The following EXOC6B variants were observed in gnomAD, a reference collection of about 807,000 sequenced individuals.
The protein encoded by EXOC6B is exocyst complex component 6B.
In EXOC6B, 54 loss-of-function variants were observed where a neutral mutation model predicts 113.5. That is an observed-to-expected ratio of 0.48 (90% CI 0.38 to 0.60). The LOEUF (loss-of-function observed/expected upper bound fraction) is 0.60, where lower values mean the gene tolerates loss of function less well. Ranked by LOEUF, EXOC6B falls within the 20% of genes least tolerant of loss-of-function variation. EXOC6B has a pLI of 0.00. For missense variants in EXOC6B, 797 were observed against 977.5 expected (o/e 0.82, Z 2.46); for synonymous variants, 357 against 339.0 (o/e 1.05, Z -0.58).
chr2:72,244,085 A>G (rs1291273425), intron 20 of EXOC6B, among the ~76,000 whole-genome samples: 1 of 152,330 alleles, frequency 6.6e-6, no homozygotes, highest in East Asian at 1.9e-4. Context: ...AACTTCAACA[A>G]AAGCAGAATA....
chr2:72,334,165 A>G (rs1572928571), intron 20 of EXOC6B, among the ~76,000 whole-genome samples: 1 of 152,148 alleles, frequency 6.6e-6, no homozygotes, highest in East Asian at 1.9e-4. Context: ...ATCCATCTTA[A>G]GAGTGAAGAG....
chr2:72,729,550 A>T (rs1207353370), intron 5 of EXOC6B, among the ~76,000 whole-genome samples: 2 of 151,886 alleles, frequency 1.3e-5, no homozygotes, highest in Admixed American at 1.3e-4. Context: ...TGGCCTCCCA[A>T]GTACCTGGGA....
At chr2:72,592,467 A>T (rs1706033390) in intron 6 of EXOC6B, among the ~76,000 whole-genome samples, 1 of 152,206 alleles carries the variant, frequency 6.6e-6, no homozygotes, top group South Asian at 2.1e-4. Context: ...AGGAACCCAT[A>T]CTAAGCATGA....
intron 18 of EXOC6B, among the ~76,000 whole-genome samples, chr2:72,457,562 T>A (rs1417567374): frequency 2.6e-5 from 4 of 152,076 alleles, no homozygotes; most frequent in African/African-American, 9.7e-5. Flanking sequence ...GTCTGTTACT[T>A]GAGACAGCAT....
At chr2:72,265,569 C>G (rs1050148693) in intron 20 of EXOC6B, among the ~76,000 whole-genome samples, 4 of 152,044 alleles carry the variant, frequency 2.6e-5, no homozygotes, top group East Asian at 3.9e-4. Context: ...CATGTCCCTA[C>G]AAACGACATG....
intron 20 of EXOC6B, among the ~76,000 whole-genome samples, chr2:72,333,434 A>G (rs1388698660): frequency 6.6e-6 from 1 of 152,142 alleles, no homozygotes; most frequent in Non-Finnish European, 1.5e-5. Flanking sequence ...CTCCAGTGAA[A>G]TTCAATTTCT....
chr2:72,552,049 T>C lies in EXOC6B; in HGVS notation c.915+7404A>G, dbSNP rs115159556. On this transcript the variant is annotated intron_variant, in intron 8 of 21. Transcript: ENST00000272427. ...TTAACATATGTTCAAACAAATGTAC[T>C]AGATTCTTTAGTTACCACTTATTTA... 3.3e-3 allele frequency among the ~76,000 whole-genome samples: 498 copies of C among 152,334 alleles called. 3 individuals carry two copies. Among genetic ancestry groups the C allele is most frequent in the African/African-American group, 0.01 (435 of 41,586 alleles).
At chr2:72,396,258 GA>G (rs1692719531) in intron 18 of EXOC6B, among the ~76,000 whole-genome samples, 1 of 152,086 alleles carries the variant, frequency 6.6e-6, no homozygotes, top group Non-Finnish European at 1.5e-5. Context: ...TGTAAAAGAG[GA>G]AACTTCATCA....
At chr2:72,570,474 T>A (rs1472355891) in intron 7 of EXOC6B, among the ~76,000 whole-genome samples, 1 of 152,122 alleles carries the variant, frequency 6.6e-6, no homozygotes, top group Non-Finnish European at 1.5e-5. Flanking sequence ...AATTAACAAT[T>A]CCCTCCTGTT....
chr2:72,499,288 T>A (rs1176938365), intron 12 of EXOC6B, among the ~76,000 whole-genome samples: 1 of 151,164 alleles, frequency 6.6e-6, no homozygotes, highest in East Asian at 1.9e-4. Context: ...TGGAGGGCAA[T>A]GGCACTATCT....
At chr2:72,513,338 C>T in intron 10 of EXOC6B, 86 bp from the exon 11 acceptor site, 1 of 1,486,062 alleles carries the variant, frequency 6.7e-7, no homozygotes, top group Non-Finnish European at 9.1e-7. Flanking sequence ...TTAAGAGATA[C>T]CATCAAATGC....
intron 8 of EXOC6B, among the ~76,000 whole-genome samples, chr2:72,539,511 T>G (rs1278376660): frequency 1.3e-5 from 2 of 152,344 alleles, no homozygotes; most frequent in African/African-American, 2.4e-5. Context: ...ACTTTTAGAC[T>G]GCACTAAAAC....
intron 1 of EXOC6B, among the ~76,000 whole-genome samples, chr2:72,814,182 T>G (rs1686085200): frequency 6.6e-6 from 1 of 152,206 alleles, no homozygotes; most frequent in Non-Finnish European, 1.5e-5. Context: ...TCAAAAACTA[T>G]ATAATGAAAG....
intron 20 of EXOC6B, among the ~76,000 whole-genome samples, chr2:72,321,805 G>A (rs1687862311): frequency 6.6e-6 from 1 of 152,146 alleles, no homozygotes; most frequent in African/African-American, 2.4e-5. Context: ...GATCTTGGTA[G>A]TGGTAATACA....
chr2:72,613,573 G>A (rs60453356), intron 6 of EXOC6B, among the ~76,000 whole-genome samples: 2,500 of 151,976 alleles, frequency 0.016, 65 homozygotes, highest in African/African-American at 0.057. Flanking sequence ...TCTAAAATAA[G>A]GAATGGTTTG....
At chr2:72,458,119 T>C (rs1697363436) in intron 18 of EXOC6B, among the ~76,000 whole-genome samples, 1 of 152,152 alleles carries the variant, frequency 6.6e-6, no homozygotes, top group Non-Finnish European at 1.5e-5. Flanking sequence ...CCTCTCTATA[T>C]ACATTTTTTC....
At chr2:72,510,819 C>T (rs1486182853) in intron 11 of EXOC6B, among the ~76,000 whole-genome samples, 4 of 151,618 alleles carry the variant, frequency 2.6e-5, no homozygotes, top group Admixed American at 6.6e-5. Flanking sequence ...AAAAATGATC[C>T]GAAGACAATG....
chr2:72,418,385 G>C (rs965246980), intron 18 of EXOC6B, among the ~76,000 whole-genome samples: 1 of 152,116 alleles, frequency 6.6e-6, no homozygotes, highest in African/African-American at 2.4e-5. Context: ...CTGCAGGGTT[G>C]TTCTATCCAG....
intron 6 of EXOC6B, among the ~76,000 whole-genome samples, chr2:72,639,062 C>T (rs1481865506): frequency 1.3e-5 from 2 of 152,184 alleles, no homozygotes; most frequent in African/African-American, 2.4e-5. Context: ...CACTATCTCA[C>T]AGTCTCCCTC....
Sources: gnomAD v4.1 joint callset for allele counts (sites outside exome capture counted in the v4.1 genomes callset) on GRCh38, gnomAD v4.1.1 for gene constraint, MANE v1.5 for transcripts, NCBI Gene and HGNC (gene_info 2026-07-23, HGNC 2026-07-21) for gene names.